PDZD8: variants seen among roughly 807,000 people sequenced by gnomAD.
The protein encoded by PDZD8 is PDZ domain containing 8, also known as PDZ domain-containing protein 8.
A neutral mutation model predicts 85.8 loss-of-function variants in PDZD8; 14 were observed. That is an observed-to-expected ratio of 0.16 (90% CI 0.11 to 0.26). PDZD8 has a LOEUF of 0.26. Among genes scored for constraint, PDZD8 ranks in the 10% least tolerant of loss-of-function variants. PDZD8 has a pLI of 1.00. For synonymous variants in PDZD8, 592 were observed against 568.6 expected, an observed-to-expected ratio of 1.04 and a Z score of -0.59; for missense variants, 1,197 against 1,424.3, an observed-to-expected ratio of 0.84 and a Z score of 2.57.
intron 2 of PDZD8, among the ~76,000 whole-genome samples, chr10:117,335,406 G>C (rs765828795): frequency 9.8e-5 from 15 of 152,288 alleles, no homozygotes; most frequent in Non-Finnish European, 2.2e-4. Context: ...TAAATATACA[G>C]TAAATGTAAA....
At chr10:117,345,629 A>C (rs1344495225) in intron 1 of PDZD8, among the ~76,000 whole-genome samples, 1 of 151,892 alleles carries the variant, frequency 6.6e-6, no homozygotes, top group African/African-American at 2.4e-5. Flanking sequence ...GTTTCCAAGA[A>C]AAAGTTATGA....
At position 117,283,370 on chromosome 10, in the gene PDZD8, A is replaced by G. The variant is rs754789281; in HGVS notation, c.3363T>C (p.Asp1121=). 3.3e-5 allele frequency: 54 copies of G among 1,613,940 alleles called. 1 individual carries two copies. In the South Asian group the frequency reaches 5.7e-4, roughly 17 times the overall value. Residue 1121 remains aspartate (D), a synonymous_variant, in exon 5 of 5, where the codon GAT becomes GAC. Coordinates refer to ENST00000334464, the MANE Select transcript of PDZD8 (RefSeq NM_173791.5). The stretch of plus-strand genomic sequence containing the variant: ...CATTATCAAGGTCTTCTTCTGTATC[A>G]TCTGTGTACTTGCTTATTTTTTTGG... ...QHSKKISKYT[D]DTEEDLDNEI... is the part of the protein sequence containing the mutation.
At position 117,285,216 on chromosome 10, in the gene PDZD8, C is replaced by T. The variant is rs1335524528; in HGVS notation, c.1517G>A (p.Arg506Lys). 6.2e-7 allele frequency: 1 copy of T among 1,614,190 alleles called. No homozygotes were observed. Among genetic ancestry groups the T allele is most frequent in the South Asian group, 1.1e-5 (1 of 91,088 alleles). The change falls in exon 5 of 5, where the codon AGA (arginine) becomes AAA (lysine). Residue 506 changes from arginine (R) to lysine (K), a missense_variant. By Grantham distance (26) the Arg-to-Lys change is conservative. Around this residue, in one of 4 missense-constraint regions of PDZD8, gnomAD observed 263 missense variants for 261.9 expected, o/e 1.00. Coordinates refer to ENST00000334464, the MANE Select transcript of PDZD8 (RefSeq NM_173791.5). The part of the protein sequence containing the change: ...SEFEDLASDV[R>K]AQNEFKDEAQ... Reference sequence around the variant, plus strand: ...CTCATCTTTGAACTCATTTTGTGCTCTGACATCACTTGCCAAGTCTTCAAA... The same window carrying T: ...CTCATCTTTGAACTCATTTTGTGCTTTGACATCACTTGCCAAGTCTTCAAA...
chr10:117,369,840 C>T (rs551752803), intron 1 of PDZD8, among the ~76,000 whole-genome samples: 1 of 152,294 alleles, frequency 6.6e-6, no homozygotes, highest in African/African-American at 2.4e-5. Flanking sequence ...AAATCCAAAA[C>T]ACACAGAATT....
chr10:117,278,685 G>C lies in PDZD8; in HGVS notation c.*4583C>G, dbSNP rs1431669754. 6.6e-6 allele frequency: 1 copy of C among 152,194 alleles called. No homozygotes were observed. Among genetic ancestry groups the C allele is most frequent in the African/African-American group, 2.4e-5 (1 of 41,442 alleles). 9.4% of individuals were successfully genotyped at this position (152,194 alleles called of 1,614,324 possible). On this transcript the variant is annotated 3_prime_UTR_variant, in exon 5 of 5. Transcript: ENST00000334464. ...CGACATCAAGGAGCAAAGAACTTTA[G>C]AACAGACTCCTCAATCTTGTGACTT...
chr10:117,289,892 TAA>T (rs1338964865), intron 4 of PDZD8, among the ~76,000 whole-genome samples: 1 of 151,836 alleles, frequency 6.6e-6, no homozygotes, highest in Non-Finnish European at 1.5e-5. Context: ...CAAGAAAAAA[TAA>T]ATAGAGTAGT....
intron 3 of PDZD8, among the ~76,000 whole-genome samples, chr10:117,300,752 T>C (rs1468648264): frequency 6.6e-6 from 1 of 152,172 alleles, no homozygotes; most frequent in East Asian, 1.9e-4. Context: ...CTTTTATTAG[T>C]ACCCTTATAA....
chr10:117,357,112 T>C (rs576286264), intron 1 of PDZD8, among the ~76,000 whole-genome samples: 1 of 152,250 alleles, frequency 6.6e-6, no homozygotes, highest in African/African-American at 2.4e-5. Context: ...GAAAATCAGG[T>C]CTGGGCACGG....
At chr10:117,370,914 TAGTTTG>T (rs1375341770) in intron 1 of PDZD8, among the ~76,000 whole-genome samples, 2 of 108,576 alleles carry the variant, frequency 1.8e-5, no homozygotes, top group Non-Finnish European at 3.7e-5. Context: ...AAGAACAACA[TAGTTTG>T]TGTGTGTGTG....
chr10:117,307,593 C>T (rs1219460543), intron 3 of PDZD8, among the ~76,000 whole-genome samples: 1 of 152,044 alleles, frequency 6.6e-6, no homozygotes, highest in Non-Finnish European at 1.5e-5. Context: ...ATCCTTATCT[C>T]TTCCAGCATA....
At chr10:117,359,074 T>C (rs1191451034) in intron 1 of PDZD8, among the ~76,000 whole-genome samples, 1 of 152,126 alleles carries the variant, frequency 6.6e-6, no homozygotes. Context: ...TTTTTTTAAT[T>C]GCGTCCTTTG....
At chr10:117,341,339 A>C (rs1451967190) in intron 1 of PDZD8, among the ~76,000 whole-genome samples, 1 of 152,198 alleles carries the variant, frequency 6.6e-6, no homozygotes, top group Non-Finnish European at 1.5e-5. Flanking sequence ...GAGAGAACAA[A>C]GAAAAGAAAA....
chr10:117,311,235 C>T (rs1844031024), intron 3 of PDZD8, among the ~76,000 whole-genome samples: 1 of 98,860 alleles, frequency 1.0e-5, no homozygotes, highest in South Asian at 3.5e-4. Flanking sequence ...AAAAATCAGG[C>T]TTTTCACAAA....
At chr10:117,300,011 T>G (rs1004415640) in intron 3 of PDZD8, among the ~76,000 whole-genome samples, 4 of 152,056 alleles carry the variant, frequency 2.6e-5, no homozygotes, top group Non-Finnish European at 4.4e-5. Flanking sequence ...ATTACACGGG[T>G]TTTTGTAGAC....
chr10:117,351,982 T>C (rs1844812902), intron 1 of PDZD8, among the ~76,000 whole-genome samples: 1 of 152,356 alleles, frequency 6.6e-6, no homozygotes, highest in Non-Finnish European at 1.5e-5. Flanking sequence ...CTTGGCGTGT[T>C]TAATTTTTAA....
intron 2 of PDZD8, among the ~76,000 whole-genome samples, chr10:117,321,103 AACATAGAGTTAAC>A (rs1844218594): frequency 6.6e-6 from 1 of 152,176 alleles, no homozygotes; most frequent in Non-Finnish European, 1.5e-5. Context: ...CTAAAAAGTT[AACATAGAGTTAAC>A]ACATAGCTCA....
chr10:117,350,191 C>T (rs1844779477), intron 1 of PDZD8, among the ~76,000 whole-genome samples: 1 of 151,684 alleles, frequency 6.6e-6, no homozygotes, highest in Non-Finnish European at 1.5e-5. Flanking sequence ...CAGGGATACA[C>T]AGCTAGTAAG....
rs1844582773 is a variant in PDZD8 at position 117,282,002 on chromosome 10, A to G, written c.*1266T>C. On this transcript the variant is annotated 3_prime_UTR_variant, in exon 5 of 5. Coordinates refer to ENST00000334464, the MANE Select transcript of PDZD8 (RefSeq NM_173791.5). The stretch of plus-strand genomic sequence containing the variant: ...GAGCTTACTTGTTTTCCCTCAGTCA[A>G]ATGTTACTGGGACCCGTAAAATGGA... 6.6e-6 allele frequency: 1 copy of G among 152,184 alleles called. No individual in the cohort carries two copies. Among genetic ancestry groups the G allele is most frequent in the Admixed American group, 6.5e-5 (1 of 15,280 alleles). 9.4% of individuals were successfully genotyped at this position (152,184 alleles called of 1,614,324 possible). A position where few individuals can be genotyped will look rare whatever the true frequency, so the allele number is the denominator to read the frequency against.
intron 1 of PDZD8, among the ~76,000 whole-genome samples, chr10:117,360,308 C>T (rs116680386): frequency 0.01 from 1,585 of 152,178 alleles, 24 homozygotes; most frequent in African/African-American, 0.036. Context: ...TGGCAAATCT[C>T]ATATCTTCTT....
Sources: gnomAD v4.1 joint callset for allele counts (sites outside exome capture counted in the v4.1 genomes callset) on GRCh38, gnomAD v4.1.1 for gene constraint, gnomAD v4.1.1 regional missense constraint, MANE v1.5 for transcripts, NCBI Gene and HGNC (gene_info 2026-07-23, HGNC 2026-07-21) for gene names.